Variants in CACNA1D observed in about 807,000 individuals in gnomAD.
CACNA1D encodes the protein calcium voltage-gated channel subunit alpha1 D.
CACNA1D carries 55 observed loss-of-function variants against 257.1 expected under a neutral mutation model. The observed-to-expected ratio is 0.21, with a 90% CI of 0.17 to 0.27. The LOEUF (loss-of-function observed/expected upper bound fraction) is 0.27, where lower values mean the gene tolerates loss of function less well. CACNA1D is among the 10% of genes least tolerant of loss of function. The pLI, the probability that CACNA1D is intolerant of heterozygous loss-of-function variation, is 1.00. For missense variants in CACNA1D, 1,876 were observed against 2,784.0 expected (o/e 0.67, Z 7.34); for synonymous variants, 980 against 1,014.9 (o/e 0.97, Z 0.65).
intron 3 of CACNA1D, among the ~76,000 whole-genome samples, chr3:53,510,621 T>A (rs558399030): frequency 6.6e-6 from 1 of 152,340 alleles, no homozygotes; most frequent in South Asian, 2.1e-4. Flanking sequence ...GTTTTTAATA[T>A]CCATGTTTAT....
At chr3:53,633,365 C>T (rs1450438259) in intron 3 of CACNA1D, among the ~76,000 whole-genome samples, 2 of 152,166 alleles carry the variant, frequency 1.3e-5, no homozygotes, top group Non-Finnish European at 1.5e-5. Flanking sequence ...CATGTACTTA[C>T]GGTCCCGGCT....
intron 3 of CACNA1D, among the ~76,000 whole-genome samples, chr3:53,516,363 T>C (rs925725197): frequency 6.6e-6 from 1 of 152,258 alleles, no homozygotes; most frequent in Non-Finnish European, 1.5e-5. Flanking sequence ...CTTTGCCTTA[T>C]GATTTTTTCC....
rs780311005 is a variant in CACNA1D, at chr3:53,774,726, A to G, written c.4202+48A>G. ...GTGCTCCTGGGCAGGGGGGTCCGCT[A>G]GGCGTGGGTCCAGAGGGACGGAGGA... On this transcript the variant is annotated intron_variant, in intron 34 of 47. Transcript: ENST00000350061. The surrounding 1 kb of genome is among the most constrained non-coding windows in gnomAD (Gnocchi z 4.3). 1.9e-6 allele frequency: 2 copies of G among 1,076,218 alleles called. No individual in the cohort carries two copies. Among genetic ancestry groups the G allele is most frequent in the East Asian group, 4.7e-5 (2 of 42,504 alleles). 66.7% of individuals were successfully genotyped at this position (1,076,218 alleles called of 1,614,324 possible). A position where few individuals can be genotyped will look rare whatever the true frequency, so the allele number is the denominator to read the frequency against.
chr3:53,733,064 C>A, intron 19 of CACNA1D, 102 bp downstream of exon 19: 3 of 1,190,446 alleles, frequency 2.5e-6, no homozygotes, highest in Admixed American at 1.9e-5. Context: ...TGGTTCACAG[C>A]CCTTTCTGAA....
In CACNA1D at chr3:53,529,062, G is replaced by A. The variant is rs193224845; in HGVS notation, c.483+27342G>A. Among the ~76,000 whole-genome samples the A allele has an allele frequency of 6.6e-5, 10 of 152,286 alleles. No individual in the cohort carries two copies. In the East Asian group the frequency reaches 1.9e-3, roughly 29 times the overall value. On this transcript the variant is annotated intron_variant, in intron 3 of 47. Coordinates refer to ENST00000350061, the MANE Select transcript of CACNA1D (RefSeq NM_001128840.3). The stretch of plus-strand genomic sequence containing the variant: ...TTCCATATGGTATAGAATAGAAATG[G>A]TAAGAGTGTAGACATTCTTGCCTTC...
At chr3:53,539,153 A>T (rs901146087) in intron 3 of CACNA1D, among the ~76,000 whole-genome samples, 8 of 151,868 alleles carry the variant, frequency 5.3e-5, no homozygotes, top group African/African-American at 1.9e-4. Flanking sequence ...TCTGTCGCCC[A>T]GGCTGGAGTG....
chr3:53,762,442 G>A (rs543818545), intron 30 of CACNA1D: 8 of 425,636 alleles, frequency 1.9e-5, no homozygotes, highest in East Asian at 1.3e-4. Context: ...GTTTCAAGTC[G>A]CCGTGTGGCG....
chr3:53,509,831 G>A (rs899858501), intron 3 of CACNA1D, among the ~76,000 whole-genome samples: 2 of 152,194 alleles, frequency 1.3e-5, no homozygotes, highest in Non-Finnish European at 2.9e-5. Context: ...TCCTGTGTCC[G>A]TCAGGGATTC....
intron 3 of CACNA1D, among the ~76,000 whole-genome samples, chr3:53,622,034 T>G (rs1255496888): frequency 6.6e-6 from 1 of 152,062 alleles, no homozygotes; most frequent in African/African-American, 2.4e-5. Flanking sequence ...GTCCAGACAC[T>G]TTGGGTAAAC....
In CACNA1D at chr3:53,808,714, T is replaced by C; in HGVS notation, c.5815T>C (p.Ser1939Pro). 2 of 1,609,184 alleles carry C rather than the reference T, an allele frequency of 1.2e-6. No homozygotes were observed. The highest frequency in any genetic ancestry group is 1.3e-5 in the African/African-American group (1 of 75,026). The change falls in exon 46 of 48, where the codon TCG becomes CCG. Residue 1939 changes from serine (S) to proline (P), a missense_variant. Physicochemically the swap from Ser to Pro is moderately conservative, Grantham distance 74 (BLOSUM62 -1). Around this residue, in one of 10 missense-constraint regions of CACNA1D, gnomAD observed 491 missense variants for 554.3 expected, o/e 0.89. Transcript: ENST00000350061. ...GCAGAGCAGCCAGGAAGAGGTCCCG[T>C]CGTCTCCCATCTTCCCCCATCGCAC... ...RRQSSQEEVP[S>P]SPIFPHRTAL...
intron 3 of CACNA1D, among the ~76,000 whole-genome samples, chr3:53,552,418 T>C (rs1346426489): frequency 6.6e-6 from 1 of 152,190 alleles, no homozygotes; most frequent in East Asian, 1.9e-4. Context: ...TCTCGCTCTG[T>C]TGCCCAGGCT....
intron 25 of CACNA1D, among the ~76,000 whole-genome samples, chr3:53,746,981 G>T (rs147152521): frequency 2.0e-5 from 3 of 152,160 alleles, no homozygotes; most frequent in African/African-American, 7.2e-5. Context: ...TTCAGAGCGC[G>T]CCTCAAGCCC....
chr3:53,525,569 C>G (rs1021088326), intron 3 of CACNA1D, among the ~76,000 whole-genome samples: 25 of 152,134 alleles, frequency 1.6e-4, no homozygotes, highest in African/African-American at 5.6e-4. Context: ...ATTCAGTGAT[C>G]ATATGGGGCC....
rs139628896 is a variant in CACNA1D, at chr3:53,508,344, G to T, written c.483+6624G>T. Among the ~76,000 whole-genome samples, 432 of 152,020 alleles carry T rather than the reference G, an allele frequency of 2.8e-3. 3 individuals carry two copies. The highest frequency in any genetic ancestry group is 9.9e-3 in the African/African-American group (411 of 41,438). On this transcript the variant is annotated intron_variant, in intron 3 of 47. Coordinates refer to ENST00000350061, the MANE Select transcript of CACNA1D (RefSeq NM_001128840.3). ...TTTTTGTTTTTAGCATTTATTTTAG[G>T]TTTGGGGGTACATGTGAAGGTTTGT... is the stretch of plus-strand genomic sequence containing the variant.
In CACNA1D at chr3:53,654,779, C is replaced by G. The variant is rs376029908; in HGVS notation, c.623+3861C>G. Reference sequence around the variant, plus strand: ...TTCGGCACTTTATAGAAAATGTTTACTGACACTTGCCTTAGAGAAGCCACT... The same window carrying G: ...TTCGGCACTTTATAGAAAATGTTTAGTGACACTTGCCTTAGAGAAGCCACT... On this transcript the variant is annotated intron_variant, in intron 4 of 47. Transcript: ENST00000350061. Among the ~76,000 whole-genome samples, 180 of 152,102 alleles carry G rather than the reference C, an allele frequency of 1.2e-3. 4 individuals carry two copies. In the South Asian group the frequency reaches 0.037, roughly 31 times the overall value.
chr3:53,706,154 C>G (rs2094686886), intron 9 of CACNA1D, among the ~76,000 whole-genome samples: 1 of 152,208 alleles, frequency 6.6e-6, no homozygotes, highest in Non-Finnish European at 1.5e-5. Flanking sequence ...TCCATAATGG[C>G]TAAGGATGCT....
chr3:53,713,502 A>ATGTGTGTGTGTGTG (rs35655186), intron 9 of CACNA1D, among the ~76,000 whole-genome samples: 23 of 129,370 alleles, frequency 1.8e-4, no homozygotes, highest in African/African-American at 5.0e-4. Flanking sequence ...CTCTGTGTGT[A>ATGTGTGTGTGTGTG]TGTGTGTGTG....
At chr3:53,659,196 A>C (rs1367812128) in intron 4 of CACNA1D, among the ~76,000 whole-genome samples, 1 of 152,254 alleles carries the variant, frequency 6.6e-6, no homozygotes. Context: ...TCACTGTTAA[A>C]TGAGCAGATT....
intron 3 of CACNA1D, among the ~76,000 whole-genome samples, chr3:53,626,474 G>A (rs1478774785): frequency 6.6e-6 from 1 of 152,168 alleles, no homozygotes; most frequent in African/African-American, 2.4e-5. Context: ...GAAAGGCTGC[G>A]AGGGGAAATG....
Sources: allele counts gnomAD v4.1 joint callset (sites outside exome capture counted in the v4.1 genomes callset), GRCh38; gene constraint gnomAD v4.1.1; regional missense constraint gnomAD v4.1.1; non-coding constraint Gnocchi (gnomAD v3.1); transcripts MANE v1.5; gene names NCBI Gene and HGNC (gene_info 2026-07-23, HGNC 2026-07-21).